Variants in ATL1 observed in about 807,000 individuals in gnomAD.
The protein encoded by ATL1 is atlastin GTPase 1.
Under a neutral mutation model 75.5 loss-of-function variants are expected in ATL1, and 31 were observed. That is an observed-to-expected ratio of 0.41 (90% CI 0.31 to 0.55). ATL1 has a LOEUF of 0.55. ATL1 is among the 20% of genes least tolerant of loss of function. ATL1 has a pLI of 0.27. For synonymous variants in ATL1, 226 were observed against 233.3 expected (o/e 0.97, Z 0.28); for missense variants, 405 against 662.6 (o/e 0.61, Z 4.27).
intron 1 of ATL1, among the ~76,000 whole-genome samples, chr14:50,575,433 A>G (rs2038997191): frequency 6.6e-6 from 1 of 152,226 alleles, no homozygotes; most frequent in Non-Finnish European, 1.5e-5. Context: ...CCATATCTCT[A>G]CTGTTGCTCT....
intron 11 of ATL1, among the ~76,000 whole-genome samples, chr14:50,626,620 TA>T (rs2039522894): frequency 1.3e-5 from 2 of 152,240 alleles, no homozygotes; most frequent in Non-Finnish European, 2.9e-5. Context: ...GGGTTTAGAA[TA>T]TTTTTTATTG....
At chr14:50,542,621 C>G (rs538169096) in intron 1 of ATL1, 2 of 152,114 alleles carry the variant, frequency 1.3e-5, no homozygotes, top group South Asian at 2.1e-4. Flanking sequence ...AACAAATGTC[C>G]ATTGGACCTG....
chr14:50,541,257 AT>A (rs1000025602), intron 1 of ATL1, among the ~76,000 whole-genome samples: 5 of 152,290 alleles, frequency 3.3e-5, no homozygotes, highest in African/African-American at 1.2e-4. Flanking sequence ...TTTCCTTGAT[AT>A]CCAGTAGAAT....
chr14:50,613,441 C>A, intron 7 of ATL1, 90 bp downstream of exon 7: 1 of 917,420 alleles, frequency 1.1e-6, no homozygotes, highest in Non-Finnish European at 1.8e-6. Context: ...TCAGTAGCCA[C>A]TAGCCGCAAT....
intron 6 of ATL1, among the ~76,000 whole-genome samples, chr14:50,601,126 C>A (rs2039268495): frequency 1.3e-5 from 2 of 151,838 alleles, no homozygotes; most frequent in African/African-American, 2.4e-5. Context: ...AATAAATAGA[C>A]AAAATTAATT....
chr14:50,613,993 T>G (rs2039391328), intron 7 of ATL1, among the ~76,000 whole-genome samples: 1 of 152,156 alleles, frequency 6.6e-6, no homozygotes, highest in Non-Finnish European at 1.5e-5. Flanking sequence ...GAGGCTGCCT[T>G]GAATATCTAC....
At chr14:50,581,408 A>G (rs2039053687) in intron 1 of ATL1, among the ~76,000 whole-genome samples, 1 of 152,092 alleles carries the variant, frequency 6.6e-6, no homozygotes, top group Non-Finnish European at 1.5e-5. Flanking sequence ...TAATTAGAAG[A>G]TAAGAGGGCT....
intron 1 of ATL1, among the ~76,000 whole-genome samples, chr14:50,546,216 C>T (rs1169937053): frequency 6.6e-6 from 1 of 152,132 alleles, no homozygotes; most frequent in African/African-American, 2.4e-5. Flanking sequence ...TGTCCACAGC[C>T]TTCACTGGAT....
rs181150420 is a variant in ATL1 at position 50,602,195 on chromosome 14, G to A, written c.630+6563G>A. On this transcript the variant is annotated intron_variant, in intron 6 of 13. Coordinates refer to ENST00000358385, the MANE Select transcript of ATL1 (RefSeq NM_015915.5). ...CTAATGCTCTGCTAAATGACCAGCC[G>A]CCAGTTACTTGTTTCCCCAGGAAAG... Among the ~76,000 whole-genome samples the A allele has an allele frequency of 1.7e-3, 261 of 152,266 alleles. 3 individuals carry two copies. The highest frequency in any genetic ancestry group is 0.011 in the Admixed American group (166 of 15,296).
intron 1 of ATL1, among the ~76,000 whole-genome samples, chr14:50,581,462 G>A (rs2039054193): frequency 6.6e-6 from 1 of 152,036 alleles, no homozygotes; most frequent in African/African-American, 2.4e-5. Flanking sequence ...CTATTTTAAT[G>A]AATATAGTGT....
intron 1 of ATL1, among the ~76,000 whole-genome samples, chr14:50,585,662 G>A (rs575170108): frequency 2.1e-4 from 32 of 152,208 alleles, no homozygotes; most frequent in Non-Finnish European, 4.3e-4. Flanking sequence ...CTTCACAAAG[G>A]CTTTCTGATA....
intron 6 of ATL1, among the ~76,000 whole-genome samples, chr14:50,597,621 T>C (rs1382501358): frequency 6.6e-6 from 1 of 152,202 alleles, no homozygotes. Context: ...AGCATATATA[T>C]ATATGTTACA....
chr14:50,573,236 G>T (rs796651893), intron 1 of ATL1, among the ~76,000 whole-genome samples: 42 of 152,242 alleles, frequency 2.8e-4, no homozygotes, highest in African/African-American at 9.4e-4. Context: ...TATAGAAAAA[G>T]TATGGATTTT....
intron 12 of ATL1, 114 bp from the exon 13 acceptor site, chr14:50,629,881 G>C: frequency 2.1e-6 from 1 of 467,132 alleles, no homozygotes; most frequent in Non-Finnish European, 3.3e-6. Context: ...ATCTGCAGGA[G>C]TATCTGTTCT....
At position 50,597,104 on chromosome 14, in the gene ATL1, G is replaced by A. The variant is rs1374804685; in HGVS notation, c.630+1472G>A. Among the ~76,000 whole-genome samples, 5 of 151,560 alleles carry A rather than the reference G, an allele frequency of 3.3e-5. No homozygotes were observed. The South Asian group carries it at 6.3e-4, about 19-fold the overall frequency. On this transcript the variant is annotated intron_variant, in intron 6 of 13. Transcript: ENST00000358385. Reference sequence around the variant, plus strand: ...GGGCACCTGTAATTCCAGCTACTCCGGAGGCTGAGACAGGAGAATCACTTG... The same window carrying A: ...GGGCACCTGTAATTCCAGCTACTCCAGAGGCTGAGACAGGAGAATCACTTG...
chr14:50,590,844 T>G, intron 2 of ATL1, 97 bp from the exon 3 acceptor site: 1 of 1,318,240 alleles, frequency 7.6e-7, no homozygotes, highest in Non-Finnish European at 1.1e-6. Flanking sequence ...TGTTTCCTTT[T>G]AACTCGAATT....
At position 50,587,964 on chromosome 14, in the gene ATL1, CCTT is replaced by C; in HGVS notation, c.171_173del (p.Leu58del). The C allele has an allele frequency of 6.2e-7, 1 of 1,614,104 alleles. No individual in the cohort carries two copies. Among genetic ancestry groups the C allele is most frequent in the Non-Finnish European group, 8.5e-7 (1 of 1,180,022 alleles). On this transcript the variant is annotated inframe_deletion, in exon 2 of 14. Transcript: ENST00000358385. ...TAGATGAAACTGCATTAAATCGGAT[CCTT>C]CTCTCGGAGGCTGTCAGAGACAAGG... is the stretch of plus-strand genomic sequence containing the variant.
At chr14:50,627,538 C>T (rs2039533364) in intron 11 of ATL1, among the ~76,000 whole-genome samples, 1 of 152,156 alleles carries the variant, frequency 6.6e-6, no homozygotes, top group Non-Finnish European at 1.5e-5. Context: ...ACTCAATTGG[C>T]TCCATTCAAA....
At position 50,626,193 on chromosome 14, in the gene ATL1, TC is replaced by T. The variant is rs376263033; in HGVS notation, c.1120-1837del. 1.1e-3 allele frequency among the ~76,000 whole-genome samples: 169 copies of T among 152,344 alleles called. 2 individuals carry two copies. In the South Asian group the frequency reaches 0.033, roughly 29 times the overall value. On this transcript the variant is annotated intron_variant, in intron 11 of 13. Coordinates refer to ENST00000358385, the MANE Select transcript of ATL1 (RefSeq NM_015915.5). ...CAGGATCAAGGAGTAATTTTGACTT[TC>T]AAAAGTTAATAAGAAATACATTTTG...
Sources: allele counts gnomAD v4.1 joint callset (sites outside exome capture counted in the v4.1 genomes callset), GRCh38; gene constraint gnomAD v4.1.1; transcripts MANE v1.5; gene names NCBI Gene and HGNC (gene_info 2026-07-23, HGNC 2026-07-21).